Variants in ARHGAP25 observed in about 807,000 individuals in gnomAD.
ARHGAP25 encodes rho GTPase-activating protein 25.
Under a neutral mutation model 71.0 loss-of-function variants are expected in ARHGAP25, and 34 were observed. That is an observed-to-expected ratio of 0.48 (90% CI 0.36 to 0.64). The LOEUF (loss-of-function observed/expected upper bound fraction) is 0.64, where lower values mean the gene tolerates loss of function less well. Ranked by LOEUF, ARHGAP25 falls within the 30% of genes least tolerant of loss-of-function variation. The probability of loss-of-function intolerance (pLI) is 0.00; values close to 1 mark genes in which losing one functional copy is unlikely to be tolerated. For missense variants in ARHGAP25, 706 were observed against 805.1 expected (o/e 0.88, Z 1.49); for synonymous variants, 282 against 296.5 (o/e 0.95, Z 0.50).
intron 3 of ARHGAP25, among the ~76,000 whole-genome samples, chr2:68,787,521 A>G (rs903434773): frequency 1.3e-5 from 2 of 152,376 alleles, no homozygotes; most frequent in East Asian, 3.9e-4. Flanking sequence ...TGTCTCATCT[A>G]TGCTGAAACT....
rs1409474476 is a variant in ARHGAP25 at position 68,775,389 on chromosome 2, A to G, written c.230A>G (p.Tyr77Cys). Residue 77 changes from tyrosine to cysteine, a missense_variant, in exon 2 of 11, where the codon TAC becomes TGC. Physicochemically the swap from Tyr to Cys is radical, Grantham distance 194 (BLOSUM62 -2). Transcript: ENST00000409202. ...YFVLRAQQLY[Y>C]YKDEEDTKPQ... Reference sequence around the variant, plus strand: ...GTGCTGAGGGCGCAGCAGCTCTACTACTACAAGGATGAAGAGGACACGAAG... The same window carrying G: ...GTGCTGAGGGCGCAGCAGCTCTACTGCTACAAGGATGAAGAGGACACGAAG... The G allele has an allele frequency of 1.2e-6, 2 of 1,614,092 alleles. No individual in the cohort carries two copies. The highest frequency in any genetic ancestry group is 4.5e-5 in the East Asian group (2 of 44,892).
At chr2:68,760,963 A>C (rs915770678) in intron 1 of ARHGAP25, among the ~76,000 whole-genome samples, 1 of 152,014 alleles carries the variant, frequency 6.6e-6, no homozygotes, top group Non-Finnish European at 1.5e-5. Context: ...TAGTTACAAA[A>C]TTTAGAGTAA....
At chr2:68,807,584 T>C in intron 5 of ARHGAP25, 104 bp downstream of exon 5, 5 of 1,156,988 alleles carry the variant, frequency 4.3e-6, no homozygotes, top group Non-Finnish European at 5.0e-6. Flanking sequence ...GCATAGAGAC[T>C]TCTAAGAGCC....
chr2:68,762,544 C>T (rs760720998), intron 1 of ARHGAP25, among the ~76,000 whole-genome samples: 1 of 152,010 alleles, frequency 6.6e-6, no homozygotes, highest in Non-Finnish European at 1.5e-5. Flanking sequence ...GAATTAGGAC[C>T]GCATCCTGGG....
At chr2:68,778,491 A>G (rs1573509905) in intron 2 of ARHGAP25, among the ~76,000 whole-genome samples, 2 of 152,222 alleles carry the variant, frequency 1.3e-5, no homozygotes, top group African/African-American at 4.8e-5. Context: ...ATATTTTTAT[A>G]ATTGAAGTGT....
intron 2 of ARHGAP25, among the ~76,000 whole-genome samples, chr2:68,780,586 TCTC>T (rs70954326): frequency 0.31 from 46,373 of 151,536 alleles, 7,593 homozygotes; most frequent in Middle Eastern, 0.4. Context: ...TTCTTTTTCT[TCTC>T]CTCCTTCCCC....
At chr2:68,815,638 G>A (rs1386850947) in intron 6 of ARHGAP25, among the ~76,000 whole-genome samples, 2 of 151,978 alleles carry the variant, frequency 1.3e-5, no homozygotes, top group Non-Finnish European at 2.9e-5. Flanking sequence ...ACTCTCACAA[G>A]CACCATGTTG....
chr2:68,743,226 A>G (rs757908378), intron 1 of ARHGAP25, among the ~76,000 whole-genome samples: 38 of 152,186 alleles, frequency 2.5e-4, no homozygotes, highest in Middle Eastern at 3.2e-3. Flanking sequence ...AGAGCTGCCC[A>G]CCATCTCCTA....
chr2:68,760,989 T>C (rs1268473998), intron 1 of ARHGAP25, among the ~76,000 whole-genome samples: 2 of 151,864 alleles, frequency 1.3e-5, no homozygotes, highest in Admixed American at 6.6e-5. Flanking sequence ...AACAGTGTAG[T>C]AATGGCATAA....
intron 1 of ARHGAP25, among the ~76,000 whole-genome samples, chr2:68,759,257 A>C (rs1676660146): frequency 6.6e-6 from 1 of 151,732 alleles, no homozygotes; most frequent in South Asian, 2.1e-4. Context: ...TGAAATATAG[A>C]ATATAAAAAT....
chr2:68,778,729 T>C lies in ARHGAP25; in HGVS notation c.261+3309T>C, dbSNP rs1678105589. Among the ~76,000 whole-genome samples, 6 of 152,252 alleles carry C rather than the reference T, an allele frequency of 3.9e-5. No individual in the cohort carries two copies. The South Asian group carries it at 1.2e-3, about 32-fold the overall frequency. ...CACAGTAATTCTGGGTCTACGAAGT[T>C]CCAAAAGAAATAATAAGAATATTCA... On this transcript the variant is annotated intron_variant, in intron 2 of 10. Transcript: ENST00000409202.
At chr2:68,784,245 A>G (rs1678578681) in intron 3 of ARHGAP25, among the ~76,000 whole-genome samples, 1 of 152,116 alleles carries the variant, frequency 6.6e-6, no homozygotes, top group Non-Finnish European at 1.5e-5. Flanking sequence ...TAAAGTAATA[A>G]TAAGATAGGA....
intron 4 of ARHGAP25, among the ~76,000 whole-genome samples, chr2:68,805,306 C>T (rs2104439700): frequency 6.6e-6 from 1 of 152,218 alleles, no homozygotes; most frequent in East Asian, 1.9e-4. Flanking sequence ...CCTTGATTCT[C>T]AAACTTTAGC....
At chr2:68,805,930 C>T (rs1370192362) in intron 4 of ARHGAP25, among the ~76,000 whole-genome samples, 3 of 152,154 alleles carry the variant, frequency 2.0e-5, no homozygotes, top group African/African-American at 7.2e-5. Flanking sequence ...TTCTGAACCT[C>T]CAGGGTATGG....
intron 6 of ARHGAP25, among the ~76,000 whole-genome samples, chr2:68,815,421 CG>C (rs11305368): frequency 0.86 from 126,192 of 147,400 alleles, 54,422 homozygotes; most frequent in East Asian, 0.94. Flanking sequence ...GCCTGCACAC[CG>C]GCATGTGAAT....
intron 1 of ARHGAP25, among the ~76,000 whole-genome samples, chr2:68,741,759 G>A (rs1242694149): frequency 6.6e-6 from 1 of 152,060 alleles, no homozygotes; most frequent in Non-Finnish European, 1.5e-5. Flanking sequence ...TCTAAGAAAG[G>A]TTCAAGGAAT....
chr2:68,750,856 G>A (rs1234111680), intron 1 of ARHGAP25, among the ~76,000 whole-genome samples: 2 of 152,224 alleles, frequency 1.3e-5, no homozygotes, highest in Non-Finnish European at 2.9e-5. Context: ...GACGTGTTAA[G>A]GGGTTACTGA....
chr2:68,742,538 G>A (rs1380702261), intron 1 of ARHGAP25, among the ~76,000 whole-genome samples: 1 of 152,186 alleles, frequency 6.6e-6, no homozygotes, highest in Non-Finnish European at 1.5e-5. Flanking sequence ...GTTATTGTGA[G>A]GGTAAGAGAA....
upstream of ARHGAP25, among the ~76,000 whole-genome samples, chr2:68,733,630 C>T (rs1308192074): frequency 6.6e-6 from 1 of 152,178 alleles, no homozygotes; most frequent in Non-Finnish European, 1.5e-5. Flanking sequence ...GTCAGGGATA[C>T]AGCTTGCATG....
Sources: allele counts gnomAD v4.1 joint callset (sites outside exome capture counted in the v4.1 genomes callset), GRCh38; gene constraint gnomAD v4.1.1; transcripts MANE v1.5; gene names NCBI Gene and HGNC (gene_info 2026-07-23, HGNC 2026-07-21).